The following PBX1 variants were observed in gnomAD, a reference collection of about 807,000 sequenced individuals.
PBX1 encodes PBX homeobox 1, also known as pre-B-cell leukemia transcription factor 1.
A neutral mutation model predicts 53.4 loss-of-function variants in PBX1; 6 were observed. That is an observed-to-expected ratio of 0.11 (90% CI 0.06 to 0.22). PBX1 has a LOEUF of 0.22. Ranked by LOEUF, PBX1 falls within the 10% of genes least tolerant of loss-of-function variation. The probability of loss-of-function intolerance (pLI) is 1.00; values close to 1 mark genes in which losing one functional copy is unlikely to be tolerated. For missense variants in PBX1, 251 were observed against 551.4 expected (o/e 0.46, Z 5.46); for synonymous variants, 204 against 212.3 (o/e 0.96, Z 0.34).
At chr1:164,608,578 C>T (rs1656704470) in intron 2 of PBX1, among the ~76,000 whole-genome samples, 1 of 152,130 alleles carries the variant, frequency 6.6e-6, no homozygotes. Flanking sequence ...GTTGTCATCT[C>T]TATTAGACAG....
intron 2 of PBX1, among the ~76,000 whole-genome samples, chr1:164,670,996 G>A (rs990091919): frequency 3.3e-5 from 5 of 152,184 alleles, no homozygotes; most frequent in East Asian, 3.9e-4. Flanking sequence ...GTGACATCCC[G>A]CATTTCTCTT....
At chr1:164,599,475 T>C (rs1239783469) in intron 2 of PBX1, among the ~76,000 whole-genome samples, 1 of 152,182 alleles carries the variant, frequency 6.6e-6, no homozygotes, top group African/African-American at 2.4e-5. Flanking sequence ...CAGCGGCCTC[T>C]TCTTAATTTT....
intron 2 of PBX1, among the ~76,000 whole-genome samples, chr1:164,764,110 A>T (rs1447376061): frequency 6.6e-6 from 1 of 152,164 alleles, no homozygotes; most frequent in Non-Finnish European, 1.5e-5. Flanking sequence ...CAAATTCCCA[A>T]GTACCTGGGC....
chr1:164,757,077 A>G (rs993969543), intron 2 of PBX1, among the ~76,000 whole-genome samples: 2 of 152,124 alleles, frequency 1.3e-5, no homozygotes, highest in African/African-American at 4.8e-5. Context: ...TGCAACAAAT[A>G]TTTATAGGGC....
Position 164,849,285 on chromosome 1 carries a change from AC to A in PBX1, c.*2611del, listed in dbSNP as rs1272255448. The A allele has an allele frequency of 1.3e-6, 2 of 1,533,308 alleles. No individual in the cohort carries two copies. The highest frequency in any genetic ancestry group is 2.7e-5 in the African/African-American group (2 of 72,958). The allele number at this position is 1,533,308 out of a possible 1,614,324, so 95.0% of individuals were successfully genotyped here. On this transcript the variant is annotated 3_prime_UTR_variant, in exon 9 of 9. Coordinates refer to ENST00000420696, the MANE Select transcript of PBX1 (RefSeq NM_002585.4). ...CGGGCCGTAGTTTTCACTGATGATCACCTTTCACAGCATTTTCCCCAACCAG... is the reference window on the plus strand; with the variant it reads ...CGGGCCGTAGTTTTCACTGATGATCACTTTCACAGCATTTTCCCCAACCAG...
At chr1:164,809,442 C>T (rs569009578) in intron 5 of PBX1, among the ~76,000 whole-genome samples, 6 of 152,264 alleles carry the variant, frequency 3.9e-5, no homozygotes, top group Admixed American at 3.9e-4. Flanking sequence ...AACTAAGCTA[C>T]CATTGCTAAA....
intron 2 of PBX1, chr1:164,657,050 T>C (rs1660210450): frequency 6.6e-6 from 1 of 152,160 alleles, no homozygotes; most frequent in African/African-American, 2.4e-5. Context: ...CAAATAAGGA[T>C]ATAATTTGCT....
rs1025861451 is a variant in PBX1 at position 164,783,188 on chromosome 1, G to C, written c.266-9306G>C. ...GGTTGAAGACTGTGGCATCTCCTCT[G>C]AGTGAAGACTTAAGAAGCTGCAGGA... is the stretch of plus-strand genomic sequence containing the variant. On this transcript the variant is annotated intron_variant, in intron 2 of 8. Transcript: ENST00000420696. 2.0e-5 allele frequency among the ~76,000 whole-genome samples: 3 copies of C among 152,178 alleles called. 1 individual carries two copies. The highest frequency in any genetic ancestry group is 1.3e-4 in the Admixed American group (2 of 15,278).
intron 6 of PBX1, 94 bp downstream of exon 6, chr1:164,812,243 G>A: frequency 8.4e-7 from 1 of 1,192,272 alleles, no homozygotes; most frequent in East Asian, 2.5e-5. Context: ...TAATTTGTTA[G>A]GCTTTTGATT....
chr1:164,758,136 C>T (rs141381575), intron 2 of PBX1, among the ~76,000 whole-genome samples: 1,995 of 152,232 alleles, frequency 0.013, 16 homozygotes, highest in Middle Eastern at 0.034. Context: ...CAGTAATTTT[C>T]CCTCCTTGAT....
chr1:164,643,404 A>T (rs923101243), intron 2 of PBX1, among the ~76,000 whole-genome samples: 1 of 152,132 alleles, frequency 6.6e-6, no homozygotes, highest in Non-Finnish European at 1.5e-5. Flanking sequence ...AGATGGGAAA[A>T]CTTGGTTTTT....
intron 2 of PBX1, among the ~76,000 whole-genome samples, chr1:164,749,959 G>A (rs1255989610): frequency 1.3e-5 from 2 of 152,066 alleles, no homozygotes; most frequent in African/African-American, 4.8e-5. Context: ...AATTAGCTGG[G>A]CAAGGTGGCA....
At chr1:164,737,300 C>CAA (rs1665347770) in intron 2 of PBX1, among the ~76,000 whole-genome samples, 1 of 152,076 alleles carries the variant, frequency 6.6e-6, no homozygotes, top group African/African-American at 2.4e-5. Flanking sequence ...AAATAAAAAA[C>CAA]TAAATTAGGA....
chr1:164,623,528 C>G (rs973346107), intron 2 of PBX1, among the ~76,000 whole-genome samples: 7 of 152,180 alleles, frequency 4.6e-5, no homozygotes, highest in African/African-American at 1.7e-4. Flanking sequence ...TAGGTTTCAC[C>G]TTTTTACGCC....
At chr1:164,727,391 A>G (rs1664752947) in intron 2 of PBX1, among the ~76,000 whole-genome samples, 1 of 152,140 alleles carries the variant, frequency 6.6e-6, no homozygotes, top group Admixed American at 6.5e-5. Context: ...ATTCAGAGGA[A>G]TGTAATTCTT....
intron 2 of PBX1, among the ~76,000 whole-genome samples, chr1:164,616,915 ATAAGT>A (rs754033300): frequency 2.0e-4 from 31 of 152,336 alleles, no homozygotes; most frequent in African/African-American, 5.8e-4. Context: ...TGAGGTTCAA[ATAAGT>A]TAAGTAATTT....
chr1:164,862,303 C>T lies in PBX1; in HGVS notation n.257+30820C>T, dbSNP rs187864490. ...CTGTCTTCATGCTAGAACACCTTCC[C>T]GGGTTTCAAAGCTCAGTGCCAATGC... On this transcript the variant is annotated intron_variant and non_coding_transcript_variant, in intron 2 of 2. Transcript: ENST00000558796. Among the ~76,000 whole-genome samples the T allele has an allele frequency of 1.2e-3, 187 of 152,278 alleles. 5 individuals are homozygous for T. The South Asian group carries it at 0.031, about 25-fold the overall frequency.
At chr1:164,816,302 A>G (rs1377519897) in intron 6 of PBX1, 6 of 152,192 alleles carry the variant, frequency 3.9e-5, no homozygotes, top group Admixed American at 3.9e-4. Context: ...GCAAGCATGC[A>G]TGGGACATAA....
intron 2 of PBX1, among the ~76,000 whole-genome samples, chr1:164,858,408 G>T (rs1672022418): frequency 6.6e-6 from 1 of 151,478 alleles, no homozygotes; most frequent in Non-Finnish European, 1.5e-5. Context: ...CTTTGTGTCA[G>T]TTCACTGATA....
Sources: allele counts gnomAD v4.1 joint callset (sites outside exome capture counted in the v4.1 genomes callset), GRCh38; gene constraint gnomAD v4.1.1; transcripts MANE v1.5; gene names NCBI Gene and HGNC (gene_info 2026-07-23, HGNC 2026-07-21).